Variants in ARHGEF38 observed in about 807,000 individuals in gnomAD.
ARHGEF38 encodes Rho guanine nucleotide exchange factor 38, also known as Rho guanine nucleotide exchange factor (GEF) 38.
Under a neutral mutation model 79.9 loss-of-function variants are expected in ARHGEF38, and 79 were observed. The observed-to-expected ratio is 0.99, with a 90% CI of 0.82 to 1.19. The LOEUF is 1.19. Among genes scored for constraint, ARHGEF38 ranks in the 50% most tolerant of loss-of-function variants. ARHGEF38 has a pLI of 0.00. For synonymous variants in ARHGEF38, 366 were observed against 328.3 expected, an observed-to-expected ratio of 1.11 and a Z score of -1.24; for missense variants, 962 against 907.2, an observed-to-expected ratio of 1.06 and a Z score of -0.78.
intron 2 of ARHGEF38, among the ~76,000 whole-genome samples, chr4:105,605,861 T>C (rs4588463): frequency 0.056 from 8,532 of 152,168 alleles, 265 homozygotes; most frequent in Middle Eastern, 0.079. Context: ...TCAACTTCCT[T>C]ACTAAAAAAT....
At chr4:105,663,451 A>G (rs1730634760) in intron 10 of ARHGEF38, among the ~76,000 whole-genome samples, 1 of 152,130 alleles carries the variant, frequency 6.6e-6, no homozygotes, top group African/African-American at 2.4e-5. Flanking sequence ...ATACTCATTA[A>G]ACAAGTCCCC....
Position 105,648,574 on chromosome 4 carries a change from G to A in ARHGEF38, c.900G>A (p.Glu300=). The A allele has an allele frequency of 6.6e-7, 1 of 1,523,100 alleles. No individual in the cohort carries two copies. The highest frequency in any genetic ancestry group is 8.8e-7 in the Non-Finnish European group (1 of 1,141,966). The allele number at this position is 1,523,100 out of a possible 1,614,324, so 94.3% of individuals were successfully genotyped here. A position where few individuals can be genotyped will look rare whatever the true frequency, so the allele number is the denominator to read the frequency against. ...TTCTAAAATACAAGAAGAATGACGA[G>A]GATGAATCACTTAAAGACAAATTGT... is the stretch of plus-strand genomic sequence containing the variant. ...DLVLKYKKND[E]DESLKDKLSK... Residue 300 remains glutamate, a synonymous_variant, in exon 7 of 14, where the codon GAG becomes GAA. Transcript: ENST00000420470.
intron 5 of ARHGEF38, 23 bp from the exon 6 acceptor site, chr4:105,645,165 G>A: frequency 1.1e-5 from 14 of 1,331,438 alleles, no homozygotes; most frequent in Non-Finnish European, 1.4e-5. Context: ...TTGTGAAACT[G>A]ATATTATTTA....
intron 1 of ARHGEF38, among the ~76,000 whole-genome samples, chr4:105,586,137 A>G (rs1727035396): frequency 6.6e-6 from 1 of 151,972 alleles, no homozygotes; most frequent in African/African-American, 2.4e-5. Flanking sequence ...TATATATAAA[A>G]GCTAAGTATA....
At position 105,613,171 on chromosome 4, in the gene ARHGEF38, T is replaced by C. The variant is rs1247700176; in HGVS notation, c.385-213T>C. On this transcript the variant is annotated intron_variant, in intron 2 of 13. Coordinates refer to ENST00000420470, the MANE Select transcript of ARHGEF38 (RefSeq NM_001242729.2). ...AGATGTATGTTTGATACAAAACATA[T>C]TCAAAATTTTTTTAAAAAGACAGAA... is the stretch of plus-strand genomic sequence containing the variant. 3.3e-5 allele frequency among the ~76,000 whole-genome samples: 5 copies of C among 152,262 alleles called. No individual in the cohort carries two copies. In the East Asian group the frequency reaches 7.7e-4, roughly 23 times the overall value.
chr4:105,580,821 TC>T (rs750683414), intron 1 of ARHGEF38, among the ~76,000 whole-genome samples: 100 of 152,128 alleles, frequency 6.6e-4, no homozygotes, highest in Non-Finnish European at 1.2e-3. Flanking sequence ...CAAGCAATTC[TC>T]CACCACTAAG....
Position 105,638,922 on chromosome 4 carries a change from T to C in ARHGEF38, c.674+2502T>C, listed in dbSNP as rs551061683. On this transcript the variant is annotated intron_variant, in intron 5 of 13. Transcript: ENST00000420470. ...ATTTTTATATATGATCTTGGTACAATAATTTGATTTTTTGGATCAATTTCT... is the reference window on the plus strand; with the variant it reads ...ATTTTTATATATGATCTTGGTACAACAATTTGATTTTTTGGATCAATTTCT... Among the ~76,000 whole-genome samples the C allele has an allele frequency of 5.3e-5, 8 of 152,218 alleles. No homozygotes were observed. In the South Asian group the frequency reaches 1.7e-3, roughly 32 times the overall value.
chr4:105,630,817 A>C, intron 3 of ARHGEF38, 81 bp from the exon 4 acceptor site: 19 of 1,266,152 alleles, frequency 1.5e-5, no homozygotes, highest in Non-Finnish European at 1.9e-5. Flanking sequence ...TTTTGACACG[A>C]GTCGACATTG....
chr4:105,590,116 AAG>A (rs1727261899), intron 2 of ARHGEF38, among the ~76,000 whole-genome samples: 1 of 142,912 alleles, frequency 7.0e-6, no homozygotes, highest in Non-Finnish European at 1.5e-5. Context: ...GGAAGGAAGG[AAG>A]GAAGGAAGGA....
intron 4 of ARHGEF38, chr4:105,631,498 C>A: frequency 1.0e-6 from 1 of 985,622 alleles, no homozygotes; most frequent in Non-Finnish European, 1.2e-6. Context: ...TGGGTGAAGA[C>A]AAGTCAGGCC....
intron 2 of ARHGEF38, among the ~76,000 whole-genome samples, chr4:105,601,096 C>G (rs1455863660): frequency 6.6e-6 from 1 of 152,156 alleles, no homozygotes; most frequent in Admixed American, 6.6e-5. Flanking sequence ...ACTCAAAACC[C>G]TCCAATGACT....
In ARHGEF38 at chr4:105,649,512, T is replaced by A. The variant is rs148803095; in HGVS notation, c.1008+830T>A. 2.3e-3 allele frequency among the ~76,000 whole-genome samples: 358 copies of A among 152,352 alleles called. 2 individuals are homozygous for A. The highest frequency in any genetic ancestry group is 8.3e-3 in the African/African-American group (347 of 41,584). On this transcript the variant is annotated intron_variant, in intron 7 of 13. Coordinates refer to ENST00000420470, the MANE Select transcript of ARHGEF38 (RefSeq NM_001242729.2). Reference sequence around the variant, plus strand: ...GAATCACAAGATAGAAAGTTCATGGTCCTGAGATGGTAATATAGTGGGCTT... The same window carrying A: ...GAATCACAAGATAGAAAGTTCATGGACCTGAGATGGTAATATAGTGGGCTT...
chr4:105,590,917 TA>T (rs1485605742), intron 2 of ARHGEF38, among the ~76,000 whole-genome samples: 1 of 152,164 alleles, frequency 6.6e-6, no homozygotes, highest in South Asian at 2.1e-4. Flanking sequence ...TTTGCTGTTT[TA>T]AAAAATGATG....
intron 1 of ARHGEF38, among the ~76,000 whole-genome samples, chr4:105,574,865 A>G (rs1300712804): frequency 1.3e-5 from 2 of 152,144 alleles, no homozygotes; most frequent in Non-Finnish European, 2.9e-5. Context: ...TTTGTATCCC[A>G]TATAGAATAA....
chr4:105,666,577 C>T (rs1463110995), intron 11 of ARHGEF38, among the ~76,000 whole-genome samples: 1 of 152,114 alleles, frequency 6.6e-6, no homozygotes, highest in African/African-American at 2.4e-5. Flanking sequence ...GTAGGAGGCA[C>T]TCAATAAATA....
At chr4:105,599,678 T>A (rs781308709) in intron 2 of ARHGEF38, among the ~76,000 whole-genome samples, 1 of 152,132 alleles carries the variant, frequency 6.6e-6, no homozygotes, top group East Asian at 1.9e-4. Context: ...AAAATAGCCA[T>A]GCATATCAGT....
chr4:105,598,116 C>A (rs1727663516), intron 2 of ARHGEF38, among the ~76,000 whole-genome samples: 1 of 152,048 alleles, frequency 6.6e-6, no homozygotes, highest in African/African-American at 2.4e-5. Context: ...ATAAAACAAC[C>A]TCCTATGTAT....
chr4:105,568,226 A>C (rs1726037231), intron 1 of ARHGEF38, among the ~76,000 whole-genome samples: 1 of 152,090 alleles, frequency 6.6e-6, no homozygotes, highest in African/African-American at 2.4e-5. Context: ...GCAGCCAAAA[A>C]ACATATGAAA....
At chr4:105,614,203 C>T (rs1728422151) in intron 3 of ARHGEF38, among the ~76,000 whole-genome samples, 1 of 152,126 alleles carries the variant, frequency 6.6e-6, no homozygotes. Context: ...CACTTCGAGA[C>T]ATCATACAGT....
Sources: gnomAD v4.1 joint callset for allele counts (sites outside exome capture counted in the v4.1 genomes callset) on GRCh38, gnomAD v4.1.1 for gene constraint, MANE v1.5 for transcripts, NCBI Gene and HGNC (gene_info 2026-07-23, HGNC 2026-07-21) for gene names.